TSPAN18: variants seen among roughly 807,000 people sequenced by gnomAD.
The protein encoded by TSPAN18 is tetraspanin-18.
TSPAN18 carries 14 observed loss-of-function variants against 27.3 expected under a neutral mutation model. The observed-to-expected ratio is 0.51, with a 90% confidence interval of 0.34 to 0.80. The LOEUF is 0.80. Ranked by LOEUF, TSPAN18 falls within the 30% of genes least tolerant of loss-of-function variation. TSPAN18 has a pLI of 0.01. For missense variants in TSPAN18, 268 were observed against 323.9 expected, an observed-to-expected ratio of 0.83 and a Z score of 1.32; for synonymous variants, 143 against 136.5, an observed-to-expected ratio of 1.05 and a Z score of -0.33.
chr11:44,734,971 A>G (rs1854754132), intron 1 of TSPAN18, among the ~76,000 whole-genome samples: 1 of 152,106 alleles, frequency 6.6e-6, no homozygotes, highest in Non-Finnish European at 1.5e-5. Flanking sequence ...CAAAACAGAA[A>G]CACCGCCCTC....
intron 2 of TSPAN18, among the ~76,000 whole-genome samples, chr11:44,858,671 A>T (rs1857799311): frequency 6.6e-6 from 1 of 152,010 alleles, no homozygotes; most frequent in South Asian, 2.1e-4. Context: ...GGAGCATGGA[A>T]GTTGGGGGAG....
At chr11:44,840,307 G>T (rs1340225641) in intron 2 of TSPAN18, among the ~76,000 whole-genome samples, 1 of 152,158 alleles carries the variant, frequency 6.6e-6, no homozygotes, top group Non-Finnish European at 1.5e-5. Flanking sequence ...GCCCATTTCC[G>T]CTGGCCTCTC....
chr11:44,776,033 T>C (rs1372323567), intron 2 of TSPAN18, among the ~76,000 whole-genome samples: 2 of 152,244 alleles, frequency 1.3e-5, no homozygotes, highest in Non-Finnish European at 2.9e-5. Flanking sequence ...ATGACCATAA[T>C]TGAATCTCTC....
At position 44,930,507 on chromosome 11, in the gene TSPAN18, T is replaced by G; in HGVS notation, c.*1329T>G. ...AGAATCCCGAAGGCATCGAGGCCAT[T>G]TCTGCTGCAACAAGGTTTCCTGTCT... On this transcript the variant is annotated 3_prime_UTR_variant, in exon 10 of 10. Transcript: ENST00000520358. 1 of 241,454 alleles carries G rather than the reference T, an allele frequency of 4.1e-6. No homozygotes were observed. The highest frequency in any genetic ancestry group is 4.8e-5 in the South Asian group (1 of 20,958). 15.0% of individuals were successfully genotyped at this position (241,454 alleles called of 1,614,324 possible). A position where few individuals can be genotyped will look rare whatever the true frequency, so the allele number is the denominator to read the frequency against.
At chr11:44,792,862 G>A (rs1009073063) in intron 2 of TSPAN18, among the ~76,000 whole-genome samples, 3 of 152,170 alleles carry the variant, frequency 2.0e-5, no homozygotes, top group African/African-American at 4.8e-5. Context: ...GGCAGTGACC[G>A]TGGCTGGAAA....
At chr11:44,865,553 C>G (rs986799468) in intron 3 of TSPAN18, among the ~76,000 whole-genome samples, 1 of 152,198 alleles carries the variant, frequency 6.6e-6, no homozygotes, top group Non-Finnish European at 1.5e-5. Flanking sequence ...CTTAAAAATT[C>G]AAATGATCTG....
chr11:44,835,646 G>A lies in TSPAN18; in HGVS notation c.-152-24682G>A, dbSNP rs375027627. The stretch of plus-strand genomic sequence containing the variant: ...TTACTGTGGGGGGCGGGGGGATAGG[G>A]GGCGGTGGTAGCAAAATGTTACAGG... On this transcript the variant is annotated intron_variant, in intron 2 of 9. Transcript: ENST00000520358. Among the ~76,000 whole-genome samples the A allele has an allele frequency of 1.2e-4, 18 of 152,136 alleles. No homozygotes were observed. In the South Asian group the frequency reaches 2.1e-3, roughly 18 times the overall value.
At chr11:44,868,744 G>T (rs745831480) in intron 3 of TSPAN18, among the ~76,000 whole-genome samples, 60 of 152,322 alleles carry the variant, frequency 3.9e-4, no homozygotes, top group Middle Eastern at 6.8e-3. Context: ...CTTGGGGCGG[G>T]CAGAACCGGA....
intron 7 of TSPAN18, 21 bp from the exon 8 acceptor site, chr11:44,919,796 T>C (rs892187312): frequency 4.3e-6 from 7 of 1,613,560 alleles, no homozygotes; most frequent in South Asian, 1.1e-5. Context: ...CACCAGAACC[T>C]TCTCTGGGAT....
intron 3 of TSPAN18, among the ~76,000 whole-genome samples, chr11:44,888,915 G>C (rs2135277232): frequency 6.6e-6 from 1 of 152,324 alleles, no homozygotes; most frequent in East Asian, 1.9e-4. Context: ...GTCGAGGGAG[G>C]AAAGTAATTG....
chr11:44,837,711 C>T (rs1286856935), intron 2 of TSPAN18, among the ~76,000 whole-genome samples: 1 of 152,190 alleles, frequency 6.6e-6, no homozygotes, highest in Admixed American at 6.5e-5. Flanking sequence ...CAACCACTGC[C>T]CTGATCAGTC....
At chr11:44,741,782 G>C (rs1854942145) in intron 1 of TSPAN18, among the ~76,000 whole-genome samples, 1 of 152,274 alleles carries the variant, frequency 6.6e-6, no homozygotes, top group Admixed American at 6.5e-5. Flanking sequence ...CTGAACGTTA[G>C]TTTCCTCATC....
At chr11:44,797,524 A>C (rs964027907) in intron 2 of TSPAN18, among the ~76,000 whole-genome samples, 2 of 152,128 alleles carry the variant, frequency 1.3e-5, no homozygotes, top group Non-Finnish European at 1.5e-5. Flanking sequence ...TGATGAATGG[A>C]TTCTGTGCCT....
Position 44,926,684 on chromosome 11 carries a change from C to T in TSPAN18, c.626C>T (p.Thr209Met), listed in dbSNP as rs781065961. 28 of 1,614,014 alleles carry T rather than the reference C, an allele frequency of 1.7e-5. No individual in the cohort carries two copies. The Admixed American group carries it at 2.5e-4, about 14-fold the overall frequency. ...SLFLNKQGCY[T>M]VILNTFETYV... ...ATCCCTCCCTCCCAGGGCTGTTACA[C>T]GGTGATCCTCAACACCTTCGAGACC... The change falls in exon 9 of 10, where the codon ACG (threonine) becomes ATG (methionine). Residue 209 changes from threonine (T) to methionine (M), a missense_variant. Coordinates refer to ENST00000520358, the MANE Select transcript of TSPAN18 (RefSeq NM_130783.5).
rs376421467 is a variant in TSPAN18, at chr11:44,785,845, A to C, written c.-153+21333A>C. Among the ~76,000 whole-genome samples the C allele has an allele frequency of 8.5e-4, 130 of 152,298 alleles. 3 individuals carry two copies. The South Asian group carries it at 0.027, about 31-fold the overall frequency. ...AGGGCAGCTTCGATGCTGGGGTTCGAGGGGCAAGAGTGGGAGGTGCCCACA... is the reference window on the plus strand; with the variant it reads ...AGGGCAGCTTCGATGCTGGGGTTCGCGGGGCAAGAGTGGGAGGTGCCCACA... On this transcript the variant is annotated intron_variant, in intron 2 of 9. Coordinates refer to ENST00000520358, the MANE Select transcript of TSPAN18 (RefSeq NM_130783.5).
intron 2 of TSPAN18, among the ~76,000 whole-genome samples, chr11:44,771,575 T>C (rs1855690512): frequency 6.6e-6 from 1 of 152,228 alleles, no homozygotes; most frequent in South Asian, 2.1e-4. Context: ...TACAGTCAGC[T>C]GGATATACAG....
At chr11:44,925,583 C>G (rs777684795) in intron 8 of TSPAN18, 1 of 152,200 alleles carries the variant, frequency 6.6e-6, no homozygotes, top group Non-Finnish European at 1.5e-5. Flanking sequence ...GGCTTCTGCA[C>G]GATGGACAAG....
At chr11:44,842,465 C>A (rs1857392854) in intron 2 of TSPAN18, among the ~76,000 whole-genome samples, 1 of 152,156 alleles carries the variant, frequency 6.6e-6, no homozygotes, top group African/African-American at 2.4e-5. Context: ...GTGTATTTCT[C>A]TTTTGGAGCA....
At chr11:44,850,624 C>A (rs1192368188) in intron 2 of TSPAN18, among the ~76,000 whole-genome samples, 1 of 152,162 alleles carries the variant, frequency 6.6e-6, no homozygotes. Flanking sequence ...CTTCTCCTTG[C>A]ATCTTCTCAT....
Sources: gnomAD v4.1 joint callset for allele counts (sites outside exome capture counted in the v4.1 genomes callset) on GRCh38, gnomAD v4.1.1 for gene constraint, MANE v1.5 for transcripts, NCBI Gene and HGNC (gene_info 2026-07-23, HGNC 2026-07-21) for gene names.